The following DNAAF8 variants were observed in gnomAD, a reference collection of about 807,000 sequenced individuals.
DNAAF8 encodes the protein dynein axonemal-associated protein 1.
Under a neutral mutation model 54.6 loss-of-function variants are expected in DNAAF8, and 61 were observed. That is an observed-to-expected ratio of 1.12 (90% CI 0.91 to 1.38). The LOEUF (loss-of-function observed/expected upper bound fraction) is 1.38, where lower values mean the gene tolerates loss of function less well. Among genes scored for constraint, DNAAF8 ranks in the 40% most tolerant of loss-of-function variants. The pLI is 0.00. For missense variants in DNAAF8, 837 were observed against 665.0 expected, an observed-to-expected ratio of 1.26 and a Z score of -2.85; for synonymous variants, 320 against 270.1, an observed-to-expected ratio of 1.18 and a Z score of -1.81.
Position 4,740,091 on chromosome 16 carries a change from A to G in DNAAF8, c.277-62A>G, listed in dbSNP as rs1328060969. On this transcript the variant is annotated intron_variant, in intron 3 of 9. Coordinates refer to ENST00000299320, the MANE Select transcript of DNAAF8 (RefSeq NM_139170.3). Reference sequence around the variant, plus strand: ...AAAAAAAAGTACATATTTTTCTATGAAAAACATTCCCTGAAGCATGTTTTT... The same window carrying G: ...AAAAAAAAGTACATATTTTTCTATGGAAAACATTCCCTGAAGCATGTTTTT... 44 of 1,479,286 alleles carry G rather than the reference A, an allele frequency of 3.0e-5. No individual in the cohort carries two copies. The East Asian group carries it at 9.6e-4, about 32-fold the overall frequency. The allele number at this position is 1,479,286 out of a possible 1,614,324, so 91.6% of individuals were successfully genotyped here. A position where few individuals can be genotyped will look rare whatever the true frequency, so the allele number is the denominator to read the frequency against.
rs892400685 is a variant in DNAAF8, at chr16:4,749,350, T to C, written c.*635T>C. 6.5e-6 allele frequency: 1 copy of C among 154,436 alleles called. No homozygotes were observed. Among genetic ancestry groups the C allele is most frequent in the Admixed American group, 6.5e-5 (1 of 15,292 alleles). 9.6% of individuals were successfully genotyped at this position (154,436 alleles called of 1,614,324 possible). Reference sequence around the variant, plus strand: ...ACCTTTTTAATGCCAGTAACCTCACTGAGAATGTTTTACAGTGATGGAAAA... The same window carrying C: ...ACCTTTTTAATGCCAGTAACCTCACCGAGAATGTTTTACAGTGATGGAAAA... On this transcript the variant is annotated 3_prime_UTR_variant, in exon 10 of 10. Coordinates refer to ENST00000299320, the MANE Select transcript of DNAAF8 (RefSeq NM_139170.3).
At chr16:4,736,676 C>A in intron 2 of DNAAF8, 33 bp downstream of exon 2, 3 of 1,519,748 alleles carry the variant, frequency 2.0e-6, no homozygotes, top group East Asian at 4.8e-5. Context: ...GATGCCTTGT[C>A]CTTCCTACCA....
rs766259174 is a variant in DNAAF8, at chr16:4,746,648, T to C, written c.1181+136T>C. ...CTTGGATCAATTCTCAATTGAAAAG[T>C]GCTGGCCTACAGTCCCCCTGGGTCC... is the stretch of plus-strand genomic sequence containing the variant. On this transcript the variant is annotated intron_variant, in intron 7 of 9. Coordinates refer to ENST00000299320, the MANE Select transcript of DNAAF8 (RefSeq NM_139170.3). 3 of 1,238,472 alleles carry C rather than the reference T, an allele frequency of 2.4e-6. 1 individual carries two copies. Among genetic ancestry groups the C allele is most frequent in the South Asian group, 3.1e-5 (2 of 64,584 alleles). The allele number at this position is 1,238,472 out of a possible 1,614,324, so 76.7% of individuals were successfully genotyped here.
rs767807614 is a variant in DNAAF8, at chr16:4,747,520, G to C, written c.1458G>C (p.Gln486His). 32 of 1,613,082 alleles carry C rather than the reference G, an allele frequency of 2.0e-5. No homozygotes were observed. The highest frequency in any genetic ancestry group is 2.7e-5 in the Non-Finnish European group (32 of 1,179,940). The part of the protein sequence containing the change: ...KQHMKLCAKG[Q>H]SAQARLPRGR... ...ACATGAAGCTCTGTGCCAAGGGGCA[G>C]AGCGCCCAGGCTCGACTCCCAAGAG... Residue 486 changes from glutamine to histidine, a missense_variant, in exon 9 of 10, where the codon CAG becomes CAC. Coordinates refer to ENST00000299320, the MANE Select transcript of DNAAF8 (RefSeq NM_139170.3).
At position 4,747,433 on chromosome 16, in the gene DNAAF8, C is replaced by G. The variant is rs764746497; in HGVS notation, c.1371C>G (p.Pro457=). 6.2e-7 allele frequency: 1 copy of G among 1,613,026 alleles called. No individual in the cohort carries two copies. The highest frequency in any genetic ancestry group is 1.7e-5 in the Admixed American group (1 of 60,028). Residue 457 remains proline, a synonymous_variant, in exon 9 of 10, where the codon CCC becomes CCG. Coordinates refer to ENST00000299320, the MANE Select transcript of DNAAF8 (RefSeq NM_139170.3). ...CCGAGCTGCCTGCCAGCAAGGGGCC[C>G]GCGGGTGGGAGGGCTCAGGCCCCTG... ...AQPELPASKG[P]AGGRAQAPED...
intron 4 of DNAAF8, among the ~76,000 whole-genome samples, chr16:4,742,674 C>T (rs1234943686): frequency 4.6e-5 from 7 of 152,072 alleles, no homozygotes; most frequent in Admixed American, 2.6e-4. Flanking sequence ...GAGCTGAGCT[C>T]GCACCACTAC....
chr16:4,746,285 G>C, intron 6 of DNAAF8, 90 bp from the exon 7 acceptor site: 2 of 1,395,824 alleles, frequency 1.4e-6, no homozygotes, highest in African/African-American at 1.4e-5. Flanking sequence ...CTGGGTGGCA[G>C]CCACGAGCAC....
rs1381291150 is a variant in DNAAF8 at position 4,747,641 on chromosome 16, G to C, written c.*9+7G>C. On this transcript the variant is annotated splice_region_variant and intron_variant, in intron 9 of 9. Coordinates refer to ENST00000299320, the MANE Select transcript of DNAAF8 (RefSeq NM_139170.3). ...GCAACTATAGCTGCCTCAGGTAGTG[G>C]GATCCCAGGAGTGGGCAGGGGCGGG... 32 of 1,592,442 alleles carry C rather than the reference G, an allele frequency of 2.0e-5. No homozygotes were observed. Among genetic ancestry groups the C allele is most frequent in the Admixed American group, 5.1e-5 (3 of 58,850 alleles).
At position 4,746,431 on chromosome 16, in the gene DNAAF8, G is replaced by T. The variant is rs2082018365; in HGVS notation, c.1100G>T (p.Gly367Val). 16 of 1,613,554 alleles carry T rather than the reference G, an allele frequency of 9.9e-6. No individual in the cohort carries two copies. The highest frequency in any genetic ancestry group is 1.3e-5 in the Non-Finnish European group (15 of 1,179,762). Residue 367 changes from glycine (G) to valine (V), a missense_variant, in exon 7 of 10, where the codon GGC (glycine) becomes GTC (valine). Transcript: ENST00000299320. ...GGGCCAGGCCCGCAGCTGGCCCAGG[G>T]CATGAGGCTTAACGCAGAGTCCCCC... ...QAGPGPQLAQ[G>V]MRLNAESPTI...
At chr16:4,736,067 T>G (rs2081893263) in intron 1 of DNAAF8, among the ~76,000 whole-genome samples, 1 of 152,152 alleles carries the variant, frequency 6.6e-6, no homozygotes, top group Non-Finnish European at 1.5e-5. Context: ...CTAAACACCC[T>G]GAGCCTATGA....
chr16:4,740,706 G>A, intron 4 of DNAAF8, 47 bp downstream of exon 4: 5 of 1,517,272 alleles, frequency 3.3e-6, no homozygotes, highest in East Asian at 2.3e-5. Flanking sequence ...TGTTACCTGT[G>A]GCATGGCTGC....
At position 4,747,014 on chromosome 16, in the gene DNAAF8, C is replaced by G. The variant is rs1319630820; in HGVS notation, c.1269C>G (p.Ser423=). The G allele has an allele frequency of 1.3e-6, 2 of 1,530,480 alleles. No individual in the cohort carries two copies. Among genetic ancestry groups the G allele is most frequent in the Non-Finnish European group, 1.7e-6 (2 of 1,143,058 alleles). The allele number at this position is 1,530,480 out of a possible 1,614,324, so 94.8% of individuals were successfully genotyped here. A position where few individuals can be genotyped will look rare whatever the true frequency, so the allele number is the denominator to read the frequency against. ...ACGCAGAGGGGGCATCTCCTTCCTCCCTGGGGCTACGGTAACCACCCAGGG... is the reference window on the plus strand; with the variant it reads ...ACGCAGAGGGGGCATCTCCTTCCTCGCTGGGGCTACGGTAACCACCCAGGG... The part of the protein sequence containing the change: ...LGDAEGASPS[S]LGLRTCTGKS... Residue 423 remains serine (S), a synonymous_variant, in exon 8 of 10, where the codon TCC becomes TCG. Transcript: ENST00000299320.
In DNAAF8 at chr16:4,744,819, C is replaced by T. The variant is rs2081992644; in HGVS notation, c.902-51C>T. 3.8e-6 allele frequency: 6 copies of T among 1,574,592 alleles called. No homozygotes were observed. In the South Asian group the frequency reaches 6.7e-5, roughly 18 times the overall value. On this transcript the variant is annotated intron_variant, in intron 5 of 9. Coordinates refer to ENST00000299320, the MANE Select transcript of DNAAF8 (RefSeq NM_139170.3). ...TCCTGAGGCTCCAGCTGCTGTAAGT[C>T]ACAAGTGGGCCAAGTCCCCACTAAT...
chr16:4,745,316 G>A (rs1255825547), intron 6 of DNAAF8, among the ~76,000 whole-genome samples: 2 of 152,194 alleles, frequency 1.3e-5, no homozygotes, highest in African/African-American at 2.4e-5. Context: ...CTCCCTGAGA[G>A]TAGGAAGGTT....
chr16:4,744,657 G>GGCCC (rs1298910667), intron 5 of DNAAF8, among the ~76,000 whole-genome samples: 2 of 152,026 alleles, frequency 1.3e-5, no homozygotes, highest in Non-Finnish European at 2.9e-5. Flanking sequence ...TTGTGCCACA[G>GGCCC]GCCCTGCTCA....
In DNAAF8 at chr16:4,744,733, G is replaced by A. The variant is rs1306114524; in HGVS notation, c.902-137G>A. On this transcript the variant is annotated intron_variant, in intron 5 of 9. Coordinates refer to ENST00000299320, the MANE Select transcript of DNAAF8 (RefSeq NM_139170.3). The stretch of plus-strand genomic sequence containing the variant: ...GAGTCCTCAGAGGGCTGAGTAGGGA[G>A]AGGGCTGGGCGGGGGCAGTGGAGGA... The A allele has an allele frequency of 2.7e-6, 3 of 1,104,002 alleles. No homozygotes were observed. In the Admixed American group the frequency reaches 7.6e-5, roughly 28 times the overall value. 68.4% of individuals were successfully genotyped at this position (1,104,002 alleles called of 1,614,324 possible).
At position 4,738,107 on chromosome 16, in the gene DNAAF8, C is replaced by T. The variant is rs559053323; in HGVS notation, c.276+161C>T. The T allele has an allele frequency of 4.7e-6, 4 of 846,296 alleles. No individual in the cohort carries two copies. In the East Asian group the frequency reaches 8.2e-5, roughly 17 times the overall value. The allele number at this position is 846,296 out of a possible 1,614,324, so 52.4% of individuals were successfully genotyped here. ...AGGTATTCAGATGCCCAACATCTAA[C>T]CTCCACGCACCTCCCTCTCCTGGGG... On this transcript the variant is annotated intron_variant, in intron 3 of 9. Transcript: ENST00000299320.
intron 4 of DNAAF8, among the ~76,000 whole-genome samples, chr16:4,742,335 G>C (rs1364472297): frequency 6.6e-6 from 1 of 152,072 alleles, no homozygotes; most frequent in Non-Finnish European, 1.5e-5. Flanking sequence ...CAGATGGATT[G>C]CTTGAGGTCA....
chr16:4,736,368 C>T, intron 1 of DNAAF8, 96 bp from the exon 2 acceptor site: 10 of 933,524 alleles, frequency 1.1e-5, no homozygotes, highest in South Asian at 3.3e-5. Flanking sequence ...GTGAGGCCTG[C>T]CAGCCTGTTT....
Sources: gnomAD v4.1 joint callset for allele counts (sites outside exome capture counted in the v4.1 genomes callset) on GRCh38, gnomAD v4.1.1 for gene constraint, MANE v1.5 for transcripts, NCBI Gene and HGNC (gene_info 2026-07-23, HGNC 2026-07-21) for gene names.